Variants in KSR2 observed in about 807,000 individuals in gnomAD.
The protein encoded by KSR2 is kinase suppressor of ras 2.
A neutral mutation model predicts 107.8 loss-of-function variants in KSR2; 25 were observed. The ratio of observed to expected loss-of-function variants is 0.23; its 90% CI spans 0.17 to 0.32. The LOEUF is 0.32. Among genes scored for constraint, KSR2 ranks in the 10% least tolerant of loss-of-function variants. KSR2 has a pLI of 1.00. For synonymous variants in KSR2, 480 were observed against 507.0 expected (o/e 0.95, Z 0.71); for missense variants, 887 against 1,268.9 (o/e 0.70, Z 4.57).
intron 7 of KSR2, among the ~76,000 whole-genome samples, chr12:117,566,546 T>TTCGTGCAAAGGACATGATC (rs1227442107): frequency 1.3e-5 from 2 of 152,222 alleles, no homozygotes; most frequent in Non-Finnish European, 2.9e-5. Context: ...TCCATCCATG[T>TTCGTGCAAAGGACATGATC]TCGTGCAAAG....
chr12:117,752,783 G>A (rs1404398153), intron 4 of KSR2, among the ~76,000 whole-genome samples: 4 of 152,118 alleles, frequency 2.6e-5, no homozygotes, highest in Admixed American at 2.0e-4. Context: ...ATATAATTCA[G>A]TTTACAGAAA....
rs137943260 is a variant in KSR2 at position 117,680,704 on chromosome 12, G to C, written c.987-13046C>G. On this transcript the variant is annotated intron_variant, in intron 4 of 19. Coordinates refer to ENST00000339824, the MANE Select transcript of KSR2 (RefSeq NM_173598.6). ...AATTCCATTTGATGGAAACTATGTA[G>C]GTGTTAAAAAAGAATCAGGAGAGAG... is the stretch of plus-strand genomic sequence containing the variant. Among the ~76,000 whole-genome samples the C allele has an allele frequency of 8.5e-4, 129 of 152,198 alleles. 1 individual carries two copies. The East Asian group carries it at 0.021, about 25-fold the overall frequency.
chr12:117,871,483 G>A (rs1893649781), intron 1 of KSR2, among the ~76,000 whole-genome samples: 1 of 152,020 alleles, frequency 6.6e-6, no homozygotes, highest in Non-Finnish European at 1.5e-5. Context: ...CATTTATCAG[G>A]AGGCTGAGGC....
chr12:117,558,768 G>A (rs191932670), intron 7 of KSR2, among the ~76,000 whole-genome samples, 195 bp from the exon 8 acceptor site: 2 of 113,340 alleles, frequency 1.8e-5, no homozygotes, highest in Admixed American at 1.3e-4. Flanking sequence ...GTAGGTGGAT[G>A]CATAAATTGG....
chr12:117,793,580 C>T (rs1890388731), intron 3 of KSR2, among the ~76,000 whole-genome samples: 1 of 143,512 alleles, frequency 7.0e-6, no homozygotes, highest in South Asian at 2.3e-4. Context: ...CACACCTTTA[C>T]ACCAATATGC....
intron 3 of KSR2, among the ~76,000 whole-genome samples, chr12:117,807,863 C>T (rs1396906638): frequency 6.6e-6 from 1 of 152,238 alleles, no homozygotes; most frequent in East Asian, 1.9e-4. Context: ...TCCGCTCTTT[C>T]AGTGTTTGCC....
intron 5 of KSR2, among the ~76,000 whole-genome samples, chr12:117,660,700 G>A (rs1884399169): frequency 1.3e-5 from 2 of 152,060 alleles, no homozygotes; most frequent in South Asian, 4.2e-4. Flanking sequence ...AAACAGGGGT[G>A]GAAATGAACA....
At chr12:117,770,037 A>G (rs932327461) in intron 3 of KSR2, among the ~76,000 whole-genome samples, 1 of 150,574 alleles carries the variant, frequency 6.6e-6, no homozygotes, top group African/African-American at 2.5e-5. Flanking sequence ...CTGGATGACA[A>G]GAGTGAAACT....
chr12:117,569,104 T>C (rs555457009), intron 7 of KSR2, among the ~76,000 whole-genome samples: 3 of 152,330 alleles, frequency 2.0e-5, no homozygotes, highest in Non-Finnish European at 2.9e-5. Context: ...CATGGCTTAC[T>C]TCACACTTTT....
rs1262818270 is a variant in KSR2 at position 117,467,168 on chromosome 12, G to A, written c.*31C>T. The A allele has an allele frequency of 1.4e-6, 1 of 694,016 alleles. No individual in the cohort carries two copies. Among genetic ancestry groups the A allele is most frequent in the Non-Finnish European group, 2.6e-6 (1 of 381,376 alleles). The allele number at this position is 694,016 out of a possible 1,614,324, so 43.0% of individuals were successfully genotyped here. On this transcript the variant is annotated 3_prime_UTR_variant, in exon 20 of 20. Transcript: ENST00000339824. ...GGGAGGGAGAGGTGACGGGAGCCCA[G>A]GCAGCTGGGCGCCGTCCCGATGTCC...
At chr12:117,682,481 A>G (rs887313488) in intron 4 of KSR2, among the ~76,000 whole-genome samples, 1 of 151,696 alleles carries the variant, frequency 6.6e-6, no homozygotes, top group Non-Finnish European at 1.5e-5. Context: ...GCAACGGCGC[A>G]ATCTCGGCTC....
chr12:117,925,888 C>T (rs76696080), intron 1 of KSR2, among the ~76,000 whole-genome samples: 2,887 of 152,180 alleles, frequency 0.019, 38 homozygotes, highest in Non-Finnish European at 0.032. Context: ...GTAATGGGTG[C>T]CTATGGATAT....
rs541559144 is a variant in KSR2, at chr12:117,658,988, A to C, written c.1171+8486T>G. Reference sequence around the variant, plus strand: ...ACAGAATGGGGATGCAGGGGCACTGATAAGGAATACGAATGCCTTGTGTAC... The same window carrying C: ...ACAGAATGGGGATGCAGGGGCACTGCTAAGGAATACGAATGCCTTGTGTAC... On this transcript the variant is annotated intron_variant, in intron 5 of 19. Coordinates refer to ENST00000339824, the MANE Select transcript of KSR2 (RefSeq NM_173598.6). Among the ~76,000 whole-genome samples the C allele has an allele frequency of 4.6e-5, 7 of 152,276 alleles. No homozygotes were observed. The East Asian group carries it at 1.4e-3, about 29-fold the overall frequency.
intron 14 of KSR2, among the ~76,000 whole-genome samples, chr12:117,523,712 C>T (rs1324691520): frequency 6.6e-6 from 1 of 152,232 alleles, no homozygotes; most frequent in Non-Finnish European, 1.5e-5. Context: ...TTGGCTCATG[C>T]TTGTCATCCC....
At chr12:117,788,322 C>T (rs1331558426) in intron 3 of KSR2, among the ~76,000 whole-genome samples, 1 of 152,132 alleles carries the variant, frequency 6.6e-6, no homozygotes, top group Non-Finnish European at 1.5e-5. Context: ...TTCAAATTGT[C>T]CACTTGCTGG....
At chr12:117,775,784 C>A (rs1889665327) in intron 3 of KSR2, among the ~76,000 whole-genome samples, 1 of 152,148 alleles carries the variant, frequency 6.6e-6, no homozygotes, top group Non-Finnish European at 1.5e-5. Flanking sequence ...ATGGCATTCA[C>A]AGCGACCTGG....
chr12:117,606,464 C>T (rs1390096171), intron 5 of KSR2, among the ~76,000 whole-genome samples: 1 of 94,352 alleles, frequency 1.1e-5, no homozygotes, highest in Non-Finnish European at 2.2e-5. Context: ...TCCCTCCCCT[C>T]CTTCCTCCCT....
chr12:117,870,034 C>G (rs1411700422), intron 1 of KSR2, among the ~76,000 whole-genome samples: 1 of 152,186 alleles, frequency 6.6e-6, no homozygotes, highest in Admixed American at 6.5e-5. Context: ...ATGGGAGCAC[C>G]AGGGTGTGAT....
chr12:117,766,653 C>T (rs1011472309), intron 3 of KSR2, among the ~76,000 whole-genome samples: 1 of 151,982 alleles, frequency 6.6e-6, no homozygotes, highest in Admixed American at 6.6e-5. Flanking sequence ...AGAGTGGAAC[C>T]CCACTGGCCA....
Sources: gnomAD v4.1 joint callset for allele counts (sites outside exome capture counted in the v4.1 genomes callset) on GRCh38, gnomAD v4.1.1 for gene constraint, MANE v1.5 for transcripts, NCBI Gene and HGNC (gene_info 2026-07-23, HGNC 2026-07-21) for gene names.